Variants in GRID2 observed in about 807,000 individuals in gnomAD.
The protein encoded by GRID2 is glutamate receptor ionotropic, delta-2.
A neutral mutation model predicts 114.8 loss-of-function variants in GRID2; 33 were observed. That is an observed-to-expected ratio of 0.29 (90% confidence interval 0.22 to 0.38). The LOEUF (loss-of-function observed/expected upper bound fraction) is 0.38, where lower values mean the gene tolerates loss of function less well. Ranked by LOEUF, GRID2 falls within the 10% of genes least tolerant of loss-of-function variation. GRID2 has a pLI of 1.00. For synonymous variants in GRID2, 505 were observed against 449.9 expected, an observed-to-expected ratio of 1.12 and a Z score of -1.55; for missense variants, 1,184 against 1,257.7, an observed-to-expected ratio of 0.94 and a Z score of 0.89.
chr4:92,442,243 G>A (rs1047269363), intron 1 of GRID2, among the ~76,000 whole-genome samples: 14 of 151,912 alleles, frequency 9.2e-5, no homozygotes, highest in East Asian at 1.9e-4. Context: ...CCGCTAAGCC[G>A]AGAAGATCTG....
intron 7 of GRID2, among the ~76,000 whole-genome samples, chr4:93,234,320 T>C (rs956287746): frequency 4.6e-5 from 7 of 152,072 alleles, no homozygotes; most frequent in Admixed American, 1.3e-4. Context: ...AGCAATTCTC[T>C]ATATATAATA....
intron 2 of GRID2, among the ~76,000 whole-genome samples, chr4:92,808,886 G>T (rs1426302375): frequency 6.6e-6 from 1 of 151,554 alleles, no homozygotes; most frequent in Non-Finnish European, 1.5e-5. Context: ...CAATATTTAT[G>T]CTAGGATAAG....
chr4:93,167,002 C>T (rs1229013399), intron 4 of GRID2, among the ~76,000 whole-genome samples: 1 of 152,070 alleles, frequency 6.6e-6, no homozygotes, highest in Non-Finnish European at 1.5e-5. Flanking sequence ...CCACTTACCA[C>T]TACAGTTAAT....
chr4:93,633,281 G>C (rs1214368626), intron 14 of GRID2, among the ~76,000 whole-genome samples: 1 of 151,424 alleles, frequency 6.6e-6, no homozygotes, highest in African/African-American at 2.4e-5. Flanking sequence ...TTAAGTATTA[G>C]AATATTTAGT....
At chr4:92,879,616 A>G (rs1168869804) in intron 2 of GRID2, among the ~76,000 whole-genome samples, 1 of 152,224 alleles carries the variant, frequency 6.6e-6, no homozygotes, top group Non-Finnish European at 1.5e-5. Context: ...TCATAGCTTT[A>G]TTCCCAGGGC....
chr4:93,570,882 C>T (rs1735870608), intron 13 of GRID2, among the ~76,000 whole-genome samples: 1 of 152,066 alleles, frequency 6.6e-6, no homozygotes. Flanking sequence ...CCTCTCATTG[C>T]CTCTTCATAT....
At chr4:92,441,583 C>T (rs956945081) in intron 1 of GRID2, among the ~76,000 whole-genome samples, 39 of 152,098 alleles carry the variant, frequency 2.6e-4, no homozygotes, top group Admixed American at 4.6e-4. Flanking sequence ...TTGTAAGGCT[C>T]GTCTGGTTTT....
intron 1 of GRID2, among the ~76,000 whole-genome samples, chr4:92,361,629 T>C (rs1199895126): frequency 1.3e-5 from 2 of 151,882 alleles, no homozygotes; most frequent in African/African-American, 4.8e-5. Flanking sequence ...TCAGAGGAAG[T>C]AGGTTGTGAT....
intron 2 of GRID2, among the ~76,000 whole-genome samples, chr4:93,043,422 CA>C (rs1270756828): frequency 6.6e-6 from 1 of 152,036 alleles, no homozygotes; most frequent in Non-Finnish European, 1.5e-5. Flanking sequence ...AAACATTACA[CA>C]ATGGTGAAAA....
intron 13 of GRID2, among the ~76,000 whole-genome samples, chr4:93,604,477 T>C (rs1203593667): frequency 6.6e-6 from 1 of 152,214 alleles, no homozygotes. Context: ...GAAGATGTTA[T>C]AAACATTGTT....
intron 13 of GRID2, among the ~76,000 whole-genome samples, chr4:93,540,503 T>C (rs904224234): frequency 6.6e-6 from 1 of 152,114 alleles, no homozygotes; most frequent in South Asian, 2.1e-4. Context: ...GAGAAAAGCA[T>C]ACCCCAAGTA....
At chr4:92,476,873 CT>C (rs1445359032) in intron 1 of GRID2, among the ~76,000 whole-genome samples, 1 of 151,970 alleles carries the variant, frequency 6.6e-6, no homozygotes, top group Non-Finnish European at 1.5e-5. Flanking sequence ...GAAAATGTGA[CT>C]TTTCTATCTT....
intron 2 of GRID2, among the ~76,000 whole-genome samples, chr4:93,068,932 G>A (rs1204040092): frequency 6.6e-6 from 1 of 151,908 alleles, no homozygotes; most frequent in East Asian, 1.9e-4. Context: ...TTGGCTTCTG[G>A]GGATGTCTCA....
At chr4:92,347,001 C>T (rs1727800145) in intron 1 of GRID2, among the ~76,000 whole-genome samples, 2 of 152,026 alleles carry the variant, frequency 1.3e-5, no homozygotes, top group South Asian at 2.1e-4. Flanking sequence ...TCTCTTAGTC[C>T]AGAAAATATG....
intron 2 of GRID2, among the ~76,000 whole-genome samples, chr4:92,818,302 C>T (rs1434550753): frequency 6.6e-6 from 1 of 151,862 alleles, no homozygotes; most frequent in Non-Finnish European, 1.5e-5. Flanking sequence ...CAGATTCCTT[C>T]TTTTTTTTGT....
chr4:93,720,458 C>T (rs1387728932), intron 14 of GRID2, among the ~76,000 whole-genome samples: 10 of 152,030 alleles, frequency 6.6e-5, no homozygotes, highest in Non-Finnish European at 1.3e-4. Flanking sequence ...AATAAAATGA[C>T]AATATTTCAC....
At chr4:92,811,720 G>T (rs187449636) in intron 2 of GRID2, among the ~76,000 whole-genome samples, 59 of 152,060 alleles carry the variant, frequency 3.9e-4, no homozygotes, top group African/African-American at 1.3e-3. Context: ...TAATTTTATT[G>T]TGAGTAAAAT....
intron 2 of GRID2, among the ~76,000 whole-genome samples, chr4:92,728,643 G>C (rs927695851): frequency 1.6e-4 from 25 of 151,872 alleles, no homozygotes; most frequent in African/African-American, 5.1e-4. Context: ...TATTCTGTTT[G>C]TAAGAAGTGA....
chr4:92,443,162 A>T (rs900203807), intron 1 of GRID2, among the ~76,000 whole-genome samples: 49 of 152,156 alleles, frequency 3.2e-4, no homozygotes, highest in African/African-American at 1.1e-3. Context: ...AGAGACTAGG[A>T]AGGGACTGAT....
Sources: allele counts gnomAD v4.1 joint callset (sites outside exome capture counted in the v4.1 genomes callset), GRCh38; gene constraint gnomAD v4.1.1; transcripts MANE v1.5; gene names NCBI Gene and HGNC (gene_info 2026-07-23, HGNC 2026-07-21).